The following MYO16 variants were observed in gnomAD, a reference collection of about 807,000 sequenced individuals.
The protein encoded by MYO16 is myosin XVI.
A neutral mutation model predicts 205.3 loss-of-function variants in MYO16; 94 were observed. The ratio of observed to expected loss-of-function variants is 0.46; its 90% confidence interval spans 0.39 to 0.54. The LOEUF (loss-of-function observed/expected upper bound fraction) is 0.54. Ranked by LOEUF, MYO16 falls within the 20% of genes least tolerant of loss-of-function variation. MYO16 has a pLI of 0.00. For missense variants in MYO16, 2,315 were observed against 2,387.5 expected (o/e 0.97, Z 0.63); for synonymous variants, 988 against 954.0 (o/e 1.04, Z -0.66).
chr13:108,994,198 C>A (rs375605763), intron 21 of MYO16, among the ~76,000 whole-genome samples: 1 of 151,974 alleles, frequency 6.6e-6, no homozygotes, highest in Non-Finnish European at 1.5e-5. Flanking sequence ...ATAGTAATGG[C>A]ATTTTTTTCA....
At chr13:108,728,580 C>A (rs181067466) in intron 4 of MYO16, among the ~76,000 whole-genome samples, 3 of 152,304 alleles carry the variant, frequency 2.0e-5, no homozygotes, top group East Asian at 3.9e-4. Flanking sequence ...GTGACCCCTG[C>A]AGTCCCTGAT....
intron 1 of MYO16, among the ~76,000 whole-genome samples, chr13:108,616,371 G>A (rs1028825): frequency 0.99 from 150,243 of 152,240 alleles, 74,165 homozygotes; most frequent in East Asian, 1. Context: ...CGCAATCCCC[G>A]GTTTTCCTGG....
intron 1 of MYO16, among the ~76,000 whole-genome samples, chr13:108,638,628 C>T (rs1310703241): frequency 1.3e-5 from 2 of 152,078 alleles, no homozygotes; most frequent in African/African-American, 4.8e-5. Flanking sequence ...TGTTTCTGCC[C>T]CTCTCACTTT....
At chr13:109,104,167 T>C (rs1889054865) in intron 28 of MYO16, among the ~76,000 whole-genome samples, 1 of 152,194 alleles carries the variant, frequency 6.6e-6, no homozygotes, top group African/African-American at 2.4e-5. Flanking sequence ...GCTTTTCCTA[T>C]GTCATGTTCT....
intron 2 of MYO16, among the ~76,000 whole-genome samples, chr13:108,705,389 T>C (rs1278276669): frequency 2.0e-5 from 3 of 152,198 alleles, no homozygotes; most frequent in Non-Finnish European, 4.4e-5. Flanking sequence ...GCGGTGTCTA[T>C]GTCATCTTGT....
chr13:109,109,607 G>A (rs959519660), intron 28 of MYO16, among the ~76,000 whole-genome samples: 8 of 152,180 alleles, frequency 5.3e-5, no homozygotes, highest in South Asian at 2.1e-4. Flanking sequence ...GGACCTCACC[G>A]TGGCAACAAT....
chr13:109,000,651 A>G (rs568308253), intron 21 of MYO16, among the ~76,000 whole-genome samples: 2 of 152,346 alleles, frequency 1.3e-5, no homozygotes, highest in South Asian at 4.1e-4. Flanking sequence ...GAACAATTTG[A>G]TAGAGTGACT....
chr13:109,048,197 G>GA, intron 24 of MYO16: 2 of 369,854 alleles, frequency 5.4e-6, no homozygotes, highest in Non-Finnish European at 1.0e-5. Context: ...GTGTGTGTGT[G>GA]TGTGTATTTA....
intron 1 of MYO16, among the ~76,000 whole-genome samples, chr13:108,643,299 C>G (rs374043273): frequency 1.1e-4 from 17 of 152,172 alleles, no homozygotes; most frequent in African/African-American, 4.1e-4. Flanking sequence ...ACATCATGCC[C>G]TTGAGATCCA....
At chr13:108,595,591 T>C (rs1477119077), upstream of MYO16, among the ~76,000 whole-genome samples, 4 of 152,296 alleles carry the variant, frequency 2.6e-5, no homozygotes, top group African/African-American at 7.2e-5. Context: ...CAAGTCCCTC[T>C]TGGCTCTCTA....
At chr13:108,869,520 C>T (rs939120742) in intron 12 of MYO16, among the ~76,000 whole-genome samples, 24 of 150,592 alleles carry the variant, frequency 1.6e-4, no homozygotes, top group Admixed American at 3.3e-4. Context: ...GTCAGGAGAT[C>T]GAGACCATCC....
intron 27 of MYO16, among the ~76,000 whole-genome samples, chr13:109,086,351 T>A (rs1055808591): frequency 6.6e-6 from 1 of 152,196 alleles, no homozygotes; most frequent in East Asian, 1.9e-4. Flanking sequence ...TTTGTCTCAA[T>A]GGGTAGTTAT....
chr13:109,165,496 G>C (rs888281591), intron 33 of MYO16, among the ~76,000 whole-genome samples: 2 of 152,192 alleles, frequency 1.3e-5, no homozygotes, highest in African/African-American at 4.8e-5. Flanking sequence ...TTGATTGCAG[G>C]TACAAAAGCT....
In MYO16 at chr13:109,140,483, C is replaced by T. The variant is rs765686880; in HGVS notation, c.4271C>T (p.Pro1424Leu). ...PQCALPPAAP[P>L]GDEDDSEPVY... ...TGCGCGCTGCCCCCGGCGGCGCCTC[C>T]GGGTGACGAGGACGACAGCGAGCCT... The change falls in exon 32 of 35, where the codon CCG becomes CTG. Residue 1424 changes from proline to leucine, a missense_variant. Around this residue, in one of 3 missense-constraint regions of MYO16, gnomAD observed 1,097 missense variants for 1,092.0 expected, o/e 1.00. Coordinates refer to ENST00000457511, the MANE Select transcript of MYO16 (RefSeq NM_001198950.3). This position sits in a 1 kb window ranked among gnomAD's most constrained non-coding sequence, Gnocchi z 8.0. 19 of 1,540,442 alleles carry T rather than the reference C, an allele frequency of 1.2e-5. No individual in the cohort carries two copies. The highest frequency in any genetic ancestry group is 4.7e-5 in the South Asian group (4 of 84,588).
At chr13:108,698,383 T>C (rs1883171453) in intron 2 of MYO16, among the ~76,000 whole-genome samples, 1 of 152,234 alleles carries the variant, frequency 6.6e-6, no homozygotes, top group Non-Finnish European at 1.5e-5. Flanking sequence ...GTTCCCAATT[T>C]GAAATGTATC....
chr13:108,811,545 TAAAAAA>T (rs5806755), intron 7 of MYO16, among the ~76,000 whole-genome samples: 1 of 145,326 alleles, frequency 6.9e-6, no homozygotes, highest in African/African-American at 2.5e-5. Flanking sequence ...ACCACCTGTT[TAAAAAA>T]AAAAAAACCA....
At position 108,822,106 on chromosome 13, in the gene MYO16, A is replaced by G. The variant is rs565954314; in HGVS notation, c.944-1019A>G. On this transcript the variant is annotated intron_variant, in intron 8 of 34. Transcript: ENST00000457511. ...CCAGAAACCCATGCTATAACTGAGC[A>G]AATGAAAGTCGTCATCAGTACTATA... Among the ~76,000 whole-genome samples, 8 of 152,298 alleles carry G rather than the reference A, an allele frequency of 5.3e-5. No individual in the cohort carries two copies. The East Asian group carries it at 1.5e-3, about 29-fold the overall frequency.
chr13:108,498,721 A>C, the MYO16 span, among the ~76,000 whole-genome samples: 2 of 152,208 alleles, frequency 1.3e-5, no homozygotes, highest in Non-Finnish European at 2.9e-5. Context: ...AATTCCACTG[A>C]GGCAAGGAAG....
At chr13:108,894,113 A>T (rs1211353195) in intron 14 of MYO16, among the ~76,000 whole-genome samples, 1 of 152,156 alleles carries the variant, frequency 6.6e-6, no homozygotes, top group Non-Finnish European at 1.5e-5. Flanking sequence ...CAGGAGAGAG[A>T]GCATGCGCAG....
Sources: allele counts gnomAD v4.1 joint callset (sites outside exome capture counted in the v4.1 genomes callset), GRCh38; gene constraint gnomAD v4.1.1; regional missense constraint gnomAD v4.1.1; non-coding constraint Gnocchi (gnomAD v3.1); transcripts MANE v1.5; gene names NCBI Gene and HGNC (gene_info 2026-07-23, HGNC 2026-07-21).